MDFIC: variants seen among roughly 807,000 people sequenced by gnomAD.
MDFIC encodes myoD family inhibitor domain-containing protein.
MDFIC carries 17 observed loss-of-function variants against 23.2 expected under a neutral mutation model. The ratio of observed to expected loss-of-function variants is 0.73; its 90% CI spans 0.50 to 1.10. The LOEUF (loss-of-function observed/expected upper bound fraction) is 1.10. MDFIC is among the 50% of genes least tolerant of loss of function. The pLI is 0.00. For missense variants in MDFIC, 356 were observed against 316.6 expected, an observed-to-expected ratio of 1.12 and a Z score of -0.95; for synonymous variants, 120 against 115.2, an observed-to-expected ratio of 1.04 and a Z score of -0.27.
Position 114,922,623 on chromosome 7 carries a change from G to C in MDFIC, c.-121G>C, listed in dbSNP as rs1055191088. 2.3e-5 allele frequency: 29 copies of C among 1,281,938 alleles called. No individual in the cohort carries two copies. Among genetic ancestry groups the C allele is most frequent in the South Asian group, 6.1e-5 (2 of 32,886 alleles). The allele number at this position is 1,281,938 out of a possible 1,614,324, so 79.4% of individuals were successfully genotyped here. ...GGAGGAAGGGGCTTGGAGCGACTAC[G>C]GGGGGATGCGGAGGTAGGTAGTGGT... On this transcript the variant is annotated 5_prime_UTR_variant, in exon 1 of 5. Transcript: ENST00000393486.
In MDFIC at chr7:115,000,524, A is replaced by G. The variant is rs552975394; in HGVS notation, c.494-15164A>G. Among the ~76,000 whole-genome samples the G allele has an allele frequency of 6.4e-4, 98 of 152,338 alleles. 1 individual carries two copies. The highest frequency in any genetic ancestry group is 2.3e-3 in the African/African-American group (95 of 41,592). On this transcript the variant is annotated intron_variant, in intron 4 of 4. Coordinates refer to ENST00000393486, the MANE Select transcript of MDFIC (RefSeq NM_001166345.3). The stretch of plus-strand genomic sequence containing the variant: ...TCCCTCGGAATCCAAGGCATTCTTT[A>G]TAGTAAAAGTAATTTATTTTGTAAC...
intron 3 of MDFIC, among the ~76,000 whole-genome samples, chr7:114,957,426 C>T (rs533522069): frequency 6.6e-6 from 1 of 152,218 alleles, no homozygotes; most frequent in East Asian, 1.9e-4. Flanking sequence ...GTCTCCTTAA[C>T]TATTATAGCT....
intron 3 of MDFIC, among the ~76,000 whole-genome samples, chr7:114,973,477 T>C (rs780023919): frequency 2.8e-4 from 43 of 152,228 alleles, no homozygotes; most frequent in Middle Eastern, 3.4e-3. Context: ...CTCATTCCTT[T>C]AGAGAGAACG....
At chr7:114,976,271 A>T (rs1325166460) in intron 3 of MDFIC, among the ~76,000 whole-genome samples, 1 of 152,142 alleles carries the variant, frequency 6.6e-6, no homozygotes, top group Non-Finnish European at 1.5e-5. Flanking sequence ...TTGGTCAATG[A>T]CATTTCAACT....
intron 2 of MDFIC, chr7:114,933,949 A>G (rs1271505989): frequency 1.3e-5 from 2 of 152,018 alleles, no homozygotes; most frequent in Non-Finnish European, 2.9e-5. Context: ...GGAATAAGCT[A>G]TTTTCTGAGG....
At chr7:114,997,771 A>G (rs1048575278) in intron 4 of MDFIC, among the ~76,000 whole-genome samples, 3 of 151,372 alleles carry the variant, frequency 2.0e-5, no homozygotes, top group Non-Finnish European at 4.4e-5. Flanking sequence ...AAAAAAAGAA[A>G]AGAAAAGAAA....
intron 3 of MDFIC, among the ~76,000 whole-genome samples, chr7:114,964,012 T>C (rs372693517): frequency 7.2e-5 from 11 of 152,338 alleles, no homozygotes; most frequent in African/African-American, 2.4e-4. Flanking sequence ...TTATATATAA[T>C]GGGTATTTCA....
At chr7:114,956,683 G>A (rs1792890979) in intron 3 of MDFIC, among the ~76,000 whole-genome samples, 1 of 152,104 alleles carries the variant, frequency 6.6e-6, no homozygotes, top group African/African-American at 2.4e-5. Context: ...ATGTACTGAT[G>A]TGCAGAACCC....
intron 2 of MDFIC, among the ~76,000 whole-genome samples, chr7:114,938,414 T>G (rs1257936630): frequency 6.6e-6 from 1 of 152,074 alleles, no homozygotes; most frequent in Non-Finnish European, 1.5e-5. Flanking sequence ...TATACCTAAG[T>G]TTTTTTTAAA....
chr7:114,985,935 T>C (rs1793504490), intron 4 of MDFIC, among the ~76,000 whole-genome samples: 1 of 152,064 alleles, frequency 6.6e-6, no homozygotes, highest in South Asian at 2.1e-4. Flanking sequence ...AAAAATTCCA[T>C]GGTTGGAATT....
intron 4 of MDFIC, among the ~76,000 whole-genome samples, chr7:115,010,129 T>TA (rs1791652540): frequency 6.6e-6 from 1 of 152,158 alleles, no homozygotes; most frequent in East Asian, 1.9e-4. Flanking sequence ...ACCCATTTTT[T>TA]TAAAAAAAGT....
intron 1 of MDFIC, 119 bp downstream of exon 1, chr7:114,922,755 C>T: frequency 7.7e-7 from 1 of 1,295,718 alleles, no homozygotes; most frequent in South Asian, 1.7e-5. Context: ...ACCCCTGGGA[C>T]CCCGCCGCTG....
At position 114,929,084 on chromosome 7, in the gene MDFIC, G is replaced by GATCTATCT. The variant is rs11273513; in HGVS notation, c.94+5969_94+5976dup. On this transcript the variant is annotated intron_variant, in intron 2 of 4. Transcript: ENST00000393486. ...AGATATAGATCTATAGATAAATATA[G>GATCTATCT]ATCTATCTATCTATCTATCATCTAT... is the stretch of plus-strand genomic sequence containing the variant. Among the ~76,000 whole-genome samples, 109 of 148,078 alleles carry GATCTATCT rather than the reference G, an allele frequency of 7.4e-4. 1 individual carries two copies. The highest frequency in any genetic ancestry group is 4.6e-3 in the Admixed American group (68 of 14,882).
chr7:114,974,587 C>T (rs1371089607), intron 3 of MDFIC, among the ~76,000 whole-genome samples: 1 of 152,006 alleles, frequency 6.6e-6, no homozygotes, highest in Non-Finnish European at 1.5e-5. Context: ...TGTAAAGTGA[C>T]CAGTGGCTGA....
intron 3 of MDFIC, among the ~76,000 whole-genome samples, chr7:114,967,004 A>G (rs965226072): frequency 6.6e-6 from 1 of 152,200 alleles, no homozygotes; most frequent in African/African-American, 2.4e-5. Context: ...ACTTAGAGCA[A>G]ATATGTAAAA....
At chr7:114,940,982 TC>T (rs1792525635) in intron 2 of MDFIC, among the ~76,000 whole-genome samples, 1 of 152,200 alleles carries the variant, frequency 6.6e-6, no homozygotes, top group South Asian at 2.1e-4. Flanking sequence ...GCTAGGTCTC[TC>T]TTTTAGTTTC....
intron 3 of MDFIC, among the ~76,000 whole-genome samples, chr7:114,960,633 T>G (rs1156883064): frequency 1.3e-5 from 2 of 152,230 alleles, no homozygotes; most frequent in Non-Finnish European, 2.9e-5. Flanking sequence ...AAGAATATTA[T>G]AAGTACCAAT....
Position 114,922,673 on chromosome 7 carries a change from T to C in MDFIC, c.-108+37T>C, listed in dbSNP as rs116712415. 238 of 1,340,188 alleles carry C rather than the reference T, an allele frequency of 1.8e-4. 1 individual carries two copies. The African/African-American group carries it at 3.2e-3, about 18-fold the overall frequency. 83.0% of individuals were successfully genotyped at this position (1,340,188 alleles called of 1,614,324 possible). A position where few individuals can be genotyped will look rare whatever the true frequency, so the allele number is the denominator to read the frequency against. On this transcript the variant is annotated intron_variant, in intron 1 of 4. Transcript: ENST00000393486. ...TCTCCGGGCGGGGAAGAGGAGGGGTTTGATCCCCATCCCCGGGGTTCTCCC... is the reference window on the plus strand; with the variant it reads ...TCTCCGGGCGGGGAAGAGGAGGGGTCTGATCCCCATCCCCGGGGTTCTCCC...
intron 4 of MDFIC, among the ~76,000 whole-genome samples, chr7:115,010,545 G>T (rs1791661684): frequency 6.6e-6 from 1 of 152,098 alleles, no homozygotes; most frequent in African/African-American, 2.4e-5. Context: ...TACTTCTGTA[G>T]ATACATGTTG....
Sources: gnomAD v4.1 joint callset for allele counts (sites outside exome capture counted in the v4.1 genomes callset) on GRCh38, gnomAD v4.1.1 for gene constraint, MANE v1.5 for transcripts, NCBI Gene and HGNC (gene_info 2026-07-23, HGNC 2026-07-21) for gene names.